Variants in ZNF662 observed in about 807,000 individuals in gnomAD.
ZNF662 encodes zinc finger protein 662.
ZNF662 carries 14 observed loss-of-function variants against 12.4 expected under a neutral mutation model. The ratio of observed to expected loss-of-function variants is 1.13; its 90% confidence interval spans 0.75 to 1.77. The LOEUF (loss-of-function observed/expected upper bound fraction) is 1.77, where lower values mean the gene tolerates loss of function less well. Ranked by LOEUF, ZNF662 falls within the 40% of genes most tolerant of loss-of-function variation. The probability of loss-of-function intolerance (pLI) is 0.00; values close to 1 mark genes in which losing one functional copy is unlikely to be tolerated. For missense variants in ZNF662, 550 were observed against 515.6 expected (o/e 1.07, Z -0.65); for synonymous variants, 184 against 176.4 (o/e 1.04, Z -0.34).
Position 42,918,530 on chromosome 3 carries a change from T to A in ZNF662, c.*3176T>A, listed in dbSNP as rs1401148431. 6.6e-6 allele frequency among the ~76,000 whole-genome samples: 1 copy of A among 152,162 alleles called. No individual in the cohort carries two copies. The highest frequency in any genetic ancestry group is 1.5e-5 in the Non-Finnish European group (1 of 68,038). On this transcript the variant is annotated 3_prime_UTR_variant, in exon 5 of 5. Transcript: ENST00000440367. The stretch of plus-strand genomic sequence containing the variant: ...GTGTATGTGTTAAGGAACGGAATTT[T>A]TCATCATGGGCATGTTTAGGCAATC...
At chr3:42,908,580 C>G in intron 2 of ZNF662, 2 of 1,394,148 alleles carry the variant, frequency 1.4e-6, no homozygotes, top group Non-Finnish European at 1.9e-6. Flanking sequence ...CATTTGCTGA[C>G]TCAAACAGTT....
In ZNF662 at chr3:42,914,621, A is replaced by G. The variant is rs1157273710; in HGVS notation, c.548A>G (p.His183Arg). 1.8e-5 allele frequency: 29 copies of G among 1,614,094 alleles called. No homozygotes were observed. Among genetic ancestry groups the G allele is most frequent in the African/African-American group, 2.7e-5 (2 of 74,928 alleles). Residue 183 changes from histidine to arginine, a missense_variant, in exon 5 of 5, where the codon CAC becomes CGC. Coordinates refer to ENST00000440367, the MANE Select transcript of ZNF662 (RefSeq NM_207404.4). ...GTCAATAACCTCCTTGGTATACATCACAAAATTCTAAATGAGCAAATATTC... is the reference window on the plus strand; with the variant it reads ...GTCAATAACCTCCTTGGTATACATCGCAAAATTCTAAATGAGCAAATATTC... ...TDVNNLLGIHHKILNEQIFYI... is the reference protein window; with the variant it reads ...TDVNNLLGIHRKILNEQIFYI...
rs1208178842 is a variant in ZNF662 at position 42,918,113 on chromosome 3, A to T, written c.*2759A>T. 6.6e-6 allele frequency among the ~76,000 whole-genome samples: 1 copy of T among 152,248 alleles called. No individual in the cohort carries two copies. Among genetic ancestry groups the T allele is most frequent in the East Asian group, 1.9e-4 (1 of 5,200 alleles). ...AAGAGTGAAACTCCATCTCAAAAAA[A>T]TGAAAATAATAAATAGGTGGCTCTC... On this transcript the variant is annotated 3_prime_UTR_variant, in exon 5 of 5. Coordinates refer to ENST00000440367, the MANE Select transcript of ZNF662 (RefSeq NM_207404.4).
chr3:42,913,997 G>T (rs759306587), intron 4 of ZNF662, among the ~76,000 whole-genome samples: 2 of 151,990 alleles, frequency 1.3e-5, no homozygotes, highest in South Asian at 4.2e-4. Context: ...GTCCTGGCCT[G>T]TTCTTCTCAT....
Position 42,916,717 on chromosome 3 carries a change from G to C in ZNF662, c.*1363G>C, listed in dbSNP as rs1037218709. On this transcript the variant is annotated 3_prime_UTR_variant, in exon 5 of 5. Coordinates refer to ENST00000440367, the MANE Select transcript of ZNF662 (RefSeq NM_207404.4). ...TTTGTTTTATGAGATATCATTCTGG[G>C]ATTGGGAATATGTAAACTCAACTGG... 1.3e-5 allele frequency: 2 copies of C among 152,040 alleles called. No homozygotes were observed. The highest frequency in any genetic ancestry group is 1.3e-4 in the Admixed American group (2 of 15,254). The allele number at this position is 152,040 out of a possible 1,614,324, so 9.4% of individuals were successfully genotyped here. A position where few individuals can be genotyped will look rare whatever the true frequency, so the allele number is the denominator to read the frequency against.
At position 42,914,391 on chromosome 3, in the gene ZNF662, G is replaced by T; in HGVS notation, c.318G>T (p.Gln106His). 6.2e-7 allele frequency: 1 copy of T among 1,613,642 alleles called. No homozygotes were observed. The highest frequency in any genetic ancestry group is 8.5e-7 in the Non-Finnish European group (1 of 1,179,874). ...AGGAGGAAATTATTGAGGAAGCACA[G>T]GACCTCATGGTCCTATCAAGTGGAC... Reference protein sequence around the residue: ...ILKEEIIEEAQDLMVLSSGPQ... With the variant: ...ILKEEIIEEAHDLMVLSSGPQ... The change falls in exon 5 of 5, where the codon CAG becomes CAT. Residue 106 changes from glutamine (Q) to histidine (H), a missense_variant. Physicochemically the swap from Gln to His is conservative, Grantham distance 24. Transcript: ENST00000440367.
rs2088873404 is a variant in ZNF662, at chr3:42,914,419, C to T, written c.346C>T (p.Gln116Ter). Residue 116 changes from glutamine (Q) to a stop codon, truncating the protein, a stop_gained, in exon 5 of 5, where the codon CAG becomes TAG. Coordinates refer to ENST00000440367, the MANE Select transcript of ZNF662 (RefSeq NM_207404.4). LOFTEE classifies it low-confidence loss of function (END_TRUNC). Reference sequence around the variant, plus strand: ...CCTCATGGTCCTATCAAGTGGACCCCAGTGGTGTGGATCCCAGGAATTATG... The same window carrying T: ...CCTCATGGTCCTATCAAGTGGACCCTAGTGGTGTGGATCCCAGGAATTATG... ...QDLMVLSSGP[Q>*]WCGSQELWFG... is the part of the protein sequence containing the mutation. The T allele has an allele frequency of 2.5e-6, 4 of 1,613,790 alleles. No homozygotes were observed. Among genetic ancestry groups the T allele is most frequent in the Non-Finnish European group, 2.5e-6 (3 of 1,179,940 alleles).
intron 3 of ZNF662, among the ~76,000 whole-genome samples, chr3:42,912,379 AAT>A (rs1209774506): frequency 5.0e-5 from 5 of 99,522 alleles, no homozygotes; most frequent in African/African-American, 8.3e-5. Context: ...TGATATATTA[AAT>A]ATATATAATA....
rs113822467 is a variant in ZNF662 at position 42,909,637 on chromosome 3, C to T, written c.151+728C>T. 6.8e-3 allele frequency among the ~76,000 whole-genome samples: 1,024 copies of T among 151,358 alleles called. 10 individuals are homozygous for T. The highest frequency in any genetic ancestry group is 0.02 in the Middle Eastern group (6 of 294). Reference sequence around the variant, plus strand: ...GGGGCTCCTCACTTCCCAGATGGGGCGGCCGGGCAGAGGTGCCCCCCCACC... The same window carrying T: ...GGGGCTCCTCACTTCCCAGATGGGGTGGCCGGGCAGAGGTGCCCCCCCACC... On this transcript the variant is annotated intron_variant, in intron 3 of 4. Transcript: ENST00000440367.
intron 1 of ZNF662, 138 bp from the exon 2 acceptor site, chr3:42,907,881 TCTG>T: frequency 7.2e-7 from 1 of 1,392,728 alleles, no homozygotes; most frequent in East Asian, 2.5e-5. Context: ...GCAAAAATCT[TCTG>T]CTGATAGAGT....
At position 42,915,530 on chromosome 3, in the gene ZNF662, T is replaced by A; in HGVS notation, c.*176T>A. 1.7e-6 allele frequency: 1 copy of A among 593,752 alleles called. No individual in the cohort carries two copies. Among genetic ancestry groups the A allele is most frequent in the Non-Finnish European group, 2.8e-6 (1 of 355,702 alleles). The allele number at this position is 593,752 out of a possible 1,614,324, so 36.8% of individuals were successfully genotyped here. The stretch of plus-strand genomic sequence containing the variant: ...AGACTGGTCCCTCTGTTCTATGATG[T>A]TTTAACAAGGCATCATTTAGTTGGG... On this transcript the variant is annotated 3_prime_UTR_variant, in exon 5 of 5. Transcript: ENST00000440367.
Position 42,916,388 on chromosome 3 carries a change from A to G in ZNF662, c.*1034A>G, listed in dbSNP as rs1437402387. On this transcript the variant is annotated 3_prime_UTR_variant, in exon 5 of 5. Transcript: ENST00000440367. ...TTTTTTTTTTTTTTTTTTTTTAGAC[A>G]GAGTCTCACTCTGTTGCTCTGGCTG... 1 of 132,582 alleles carries G rather than the reference A, an allele frequency of 7.5e-6. No homozygotes were observed. Among genetic ancestry groups the G allele is most frequent in the African/African-American group, 3.1e-5 (1 of 32,568 alleles). The allele number at this position is 132,582 out of a possible 1,614,324, so 8.2% of individuals were successfully genotyped here.
In ZNF662 at chr3:42,917,629, A is replaced by T; in HGVS notation, c.*2275A>T. 1 of 686,454 alleles carries T rather than the reference A, an allele frequency of 1.5e-6. No homozygotes were observed. Among genetic ancestry groups the T allele is most frequent in the Non-Finnish European group, 2.6e-6 (1 of 380,554 alleles). The allele number at this position is 686,454 out of a possible 1,614,324, so 42.5% of individuals were successfully genotyped here. A position where few individuals can be genotyped will look rare whatever the true frequency, so the allele number is the denominator to read the frequency against. On this transcript the variant is annotated 3_prime_UTR_variant, in exon 5 of 5. Transcript: ENST00000440367. ...TTTTCAGCTATGTGAGCCAATAAAC[A>T]TCTGTCAAACGAGTTAGAGTTGAGT...
intron 1 of ZNF662, 145 bp from the exon 2 acceptor site, chr3:42,907,877 A>C: frequency 7.2e-7 from 1 of 1,393,880 alleles, no homozygotes; most frequent in Non-Finnish European, 9.4e-7. Flanking sequence ...GGAGGCAAAA[A>C]TCTTCTGCTG....
intron 1 of ZNF662, chr3:42,907,582 C>A: frequency 1.4e-6 from 1 of 724,570 alleles, no homozygotes; most frequent in Non-Finnish European, 1.7e-6. Flanking sequence ...GTTTCCTCTT[C>A]TAAAAAACGG....
In ZNF662 at chr3:42,908,090, T is replaced by A; in HGVS notation, c.-25T>A. The A allele has an allele frequency of 1.9e-6, 3 of 1,614,152 alleles. No homozygotes were observed. The highest frequency in any genetic ancestry group is 2.5e-6 in the Non-Finnish European group (3 of 1,180,008). On this transcript the variant is annotated 5_prime_UTR_variant, in exon 2 of 5. Transcript: ENST00000440367. ...ACGAATGGATCGGCCTGGGCCCTGC[T>A]CAGAGAGCCCTGTACAGGGATGTGA...
chr3:42,908,027 A>C lies in ZNF662; in HGVS notation c.-88A>C. The C allele has an allele frequency of 1.9e-6, 3 of 1,614,172 alleles. No homozygotes were observed. Among genetic ancestry groups the C allele is most frequent in the South Asian group, 1.1e-5 (1 of 91,078 alleles). On this transcript the variant is annotated 5_prime_UTR_variant, in exon 2 of 5. Transcript: ENST00000440367. ...TTAAACACATGTTGTTTCAGGAGTC[A>C]GTGACCTTCGAGGATGTGGCCGTCT...
intron 3 of ZNF662, among the ~76,000 whole-genome samples, chr3:42,911,325 C>T (rs999698719): frequency 2.0e-5 from 3 of 152,144 alleles, no homozygotes; most frequent in African/African-American, 7.2e-5. Flanking sequence ...GGATACCCAA[C>T]TCCCCACTCC....
Position 42,914,943 on chromosome 3 carries a change from C to T in ZNF662, c.870C>T (p.Ser290=), listed in dbSNP as rs377260307. Residue 290 remains serine, a synonymous_variant, in exon 5 of 5, where the codon AGC becomes AGT. Transcript: ENST00000440367. The part of the protein sequence containing the change: ...ECGKGFSQNT[S]LTQHQRIHTG... Reference sequence around the variant, plus strand: ...GGAAGGGCTTTAGTCAGAACACAAGCCTTACGCAACATCAACGGATCCACA... The same window carrying T: ...GGAAGGGCTTTAGTCAGAACACAAGTCTTACGCAACATCAACGGATCCACA... The T allele has an allele frequency of 1.2e-6, 2 of 1,613,390 alleles. No individual in the cohort carries two copies. Among genetic ancestry groups the T allele is most frequent in the South Asian group, 2.2e-5 (2 of 91,028 alleles).
Sources: allele counts gnomAD v4.1 joint callset (sites outside exome capture counted in the v4.1 genomes callset), GRCh38; gene constraint gnomAD v4.1.1; transcripts MANE v1.5; gene names NCBI Gene and HGNC (gene_info 2026-07-23, HGNC 2026-07-21).